ANGPTL5: variants seen among roughly 807,000 people sequenced by gnomAD.
ANGPTL5 encodes the protein angiopoietin-related protein 5.
ANGPTL5 carries 34 observed loss-of-function variants against 39.4 expected under a neutral mutation model. The observed-to-expected ratio is 0.86, with a 90% CI of 0.66 to 1.15. ANGPTL5 has a LOEUF of 1.15. Among genes scored for constraint, ANGPTL5 ranks in the 50% most tolerant of loss-of-function variants. The pLI, the probability that ANGPTL5 is intolerant of heterozygous loss-of-function variation, is 0.00. For missense variants in ANGPTL5, 467 were observed against 457.5 expected (o/e 1.02, Z -0.19); for synonymous variants, 146 against 152.1 (o/e 0.96, Z 0.29).
chr11:101,892,202 A>T (rs1218271062), intron 8 of ANGPTL5, among the ~76,000 whole-genome samples: 1 of 152,064 alleles, frequency 6.6e-6, no homozygotes, highest in Non-Finnish European at 1.5e-5. Context: ...CCGTTTTTAA[A>T]GGGCTTCTAC....
chr11:101,916,122 G>T lies in ANGPTL5; in HGVS notation c.-196C>A, dbSNP rs1940206517. On this transcript the variant is annotated 5_prime_UTR_variant, in exon 1 of 9. Transcript: ENST00000334289. Reference sequence around the variant, plus strand: ...TTATTCCTTTAGAGACTGTTGTGATGATTAGGATTTAACCTTTGTATTCCC... The same window carrying T: ...TTATTCCTTTAGAGACTGTTGTGATTATTAGGATTTAACCTTTGTATTCCC... 1 of 152,232 alleles carries T rather than the reference G, an allele frequency of 6.6e-6. No homozygotes were observed. The highest frequency in any genetic ancestry group is 6.5e-5 in the Admixed American group (1 of 15,282). 9.4% of individuals were successfully genotyped at this position (152,232 alleles called of 1,614,324 possible).
At chr11:101,891,747 G>A (rs11225049) in intron 8 of ANGPTL5, 149 bp from the exon 9 acceptor site, 290,475 of 773,452 alleles carry the variant, frequency 0.38, 57,837 homozygotes, top group East Asian at 0.48. Context: ...TCTCCTACTC[G>A]AAGATTCAAC....
intron 7 of ANGPTL5, 108 bp downstream of exon 7, chr11:101,900,322 T>C: frequency 7.2e-6 from 8 of 1,117,594 alleles, no homozygotes; most frequent in South Asian, 1.4e-5. Context: ...TATATTTTGA[T>C]ATTTGCAAGC....
intron 1 of ANGPTL5, among the ~76,000 whole-genome samples, chr11:101,911,395 A>G (rs545615915): frequency 2.4e-4 from 36 of 152,084 alleles, no homozygotes; most frequent in African/African-American, 8.2e-4. Context: ...AAGTGCTGGG[A>G]TTACAGGCGT....
At chr11:101,915,146 C>T in intron 1 of ANGPTL5, 1 of 1,337,310 alleles carries the variant, frequency 7.5e-7, no homozygotes, top group Non-Finnish European at 1.0e-6. Context: ...CTAGGGCTGT[C>T]GAGGCCAACC....
intron 1 of ANGPTL5, among the ~76,000 whole-genome samples, chr11:101,913,383 A>G (rs1319080610): frequency 1.3e-5 from 2 of 152,214 alleles, no homozygotes; most frequent in Non-Finnish European, 1.5e-5. Context: ...CTCCTCCTAT[A>G]TCCTATAAAT....
intron 1 of ANGPTL5, among the ~76,000 whole-genome samples, chr11:101,914,503 T>C (rs1940152243): frequency 6.6e-6 from 1 of 152,086 alleles, no homozygotes; most frequent in South Asian, 2.1e-4. Flanking sequence ...ACCTTCTAAG[T>C]AGGGCAAAGG....
At chr11:101,907,732 A>C in intron 2 of ANGPTL5, 82 bp downstream of exon 2, 1 of 903,676 alleles carries the variant, frequency 1.1e-6, no homozygotes, top group South Asian at 1.5e-5. Context: ...GGTAGTTATG[A>C]TTAATCTTTT....
chr11:101,894,946 A>C lies in ANGPTL5; in HGVS notation c.780T>G (p.Asp260Glu). 6.2e-7 allele frequency: 1 copy of C among 1,613,208 alleles called. No individual in the cohort carries two copies. The highest frequency in any genetic ancestry group is 8.5e-7 in the Non-Finnish European group (1 of 1,179,322). Residue 260 changes from aspartate (D) to glutamate (E), a missense_variant, in exon 8 of 9, where the codon GAT becomes GAG. Coordinates refer to ENST00000334289, the MANE Select transcript of ANGPTL5 (RefSeq NM_178127.5). ...TCGTTTCATCCTCTAGCCAAAAATT[A>C]TCATATGATGCATAAGCAAGAGTGT... Reference protein sequence around the residue: ...EDDTLAYASYDNFWLEDETRF... With the variant: ...EDDTLAYASYENFWLEDETRF...
At chr11:101,911,649 T>A (rs1940094531) in intron 1 of ANGPTL5, among the ~76,000 whole-genome samples, 1 of 152,152 alleles carries the variant, frequency 6.6e-6, no homozygotes, top group East Asian at 1.9e-4. Context: ...CCTTCTACCA[T>A]GAGTAAAAAG....
intron 1 of ANGPTL5, chr11:101,915,160 C>T (rs1290076348): frequency 2.1e-6 from 3 of 1,455,460 alleles, no homozygotes; most frequent in Non-Finnish European, 1.9e-6. Context: ...GCCAACCCTT[C>T]CGCGCCCGTG....
At chr11:101,901,348 G>T (rs1157689745) in intron 6 of ANGPTL5, among the ~76,000 whole-genome samples, 9 of 151,890 alleles carry the variant, frequency 5.9e-5, no homozygotes, top group Non-Finnish European at 2.9e-5. Flanking sequence ...AATATTTCAC[G>T]TGCTTGTCTT....
At chr11:101,897,689 C>A (rs1011858836) in intron 7 of ANGPTL5, among the ~76,000 whole-genome samples, 1 of 152,038 alleles carries the variant, frequency 6.6e-6, no homozygotes, top group Non-Finnish European at 1.5e-5. Context: ...ATTTCTGAGG[C>A]CTCTGTTCTA....
intron 1 of ANGPTL5, chr11:101,915,538 ATTTCC>A (rs1940190700): frequency 8.0e-7 from 1 of 1,249,556 alleles, no homozygotes; most frequent in South Asian, 1.6e-5. Context: ...TAGTGCAGAT[ATTTCC>A]TTTAGCAACT....
chr11:101,911,962 C>T (rs1020012796), intron 1 of ANGPTL5, among the ~76,000 whole-genome samples: 2 of 152,186 alleles, frequency 1.3e-5, no homozygotes, highest in Admixed American at 1.3e-4. Flanking sequence ...GACCTCTGTC[C>T]TAATTTCCCT....
At chr11:101,902,783 A>G (rs1939928277) in intron 5 of ANGPTL5, 62 bp from the exon 6 acceptor site, 3 of 1,082,526 alleles carry the variant, frequency 2.8e-6, no homozygotes, top group Non-Finnish European at 4.3e-6. Context: ...CAATCATTTT[A>G]CTATAGAGAA....
chr11:101,913,605 A>G (rs184823156), intron 1 of ANGPTL5, among the ~76,000 whole-genome samples: 40 of 152,278 alleles, frequency 2.6e-4, no homozygotes, highest in African/African-American at 8.7e-4. Flanking sequence ...CAATTGAGAA[A>G]CCAAATTATG....
chr11:101,902,844 C>G (rs1408294357), intron 5 of ANGPTL5, 123 bp from the exon 6 acceptor site: 3 of 607,320 alleles, frequency 4.9e-6, no homozygotes, highest in Non-Finnish European at 8.3e-6. Flanking sequence ...TTAACTTCTT[C>G]AAAATGAAAA....
At chr11:101,891,744 C>T in intron 8 of ANGPTL5, 146 bp from the exon 9 acceptor site, 1 of 827,820 alleles carries the variant, frequency 1.2e-6, no homozygotes, top group South Asian at 1.7e-5. Context: ...AATTCTCCTA[C>T]TCGAAGATTC....
Sources: gnomAD v4.1 joint callset for allele counts (sites outside exome capture counted in the v4.1 genomes callset) on GRCh38, gnomAD v4.1.1 for gene constraint, MANE v1.5 for transcripts, NCBI Gene and HGNC (gene_info 2026-07-23, HGNC 2026-07-21) for gene names.